The following RBFOX1 variants were observed in gnomAD, a reference collection of about 807,000 sequenced individuals.
The protein encoded by RBFOX1 is RNA binding protein fox-1 homolog 1.
Under a neutral mutation model 57.7 loss-of-function variants are expected in RBFOX1, and 8 were observed. The observed-to-expected ratio is 0.14, with a 90% CI of 0.08 to 0.25. The LOEUF is 0.25. Among genes scored for constraint, RBFOX1 ranks in the 10% least tolerant of loss-of-function variants. The probability of loss-of-function intolerance (pLI) is 1.00; values close to 1 mark genes in which losing one functional copy is unlikely to be tolerated. For synonymous variants in RBFOX1, 326 were observed against 222.4 expected (o/e 1.47, Z -4.15); for missense variants, 611 against 548.5 (o/e 1.11, Z -1.14).
chr16:5,442,747 C>T (rs140635851), intron 1 of RBFOX1, among the ~76,000 whole-genome samples: 19 of 152,280 alleles, frequency 1.2e-4, no homozygotes, highest in African/African-American at 3.4e-4. Context: ...TCTGTCTCAC[C>T]GTCCTCCAAA....
At chr16:7,563,753 C>T (rs1441725553) in intron 5 of RBFOX1, among the ~76,000 whole-genome samples, 1 of 152,140 alleles carries the variant, frequency 6.6e-6, no homozygotes, top group Non-Finnish European at 1.5e-5. Context: ...CAGGGCTGAG[C>T]CACCGCACCC....
intron 1 of RBFOX1, among the ~76,000 whole-genome samples, chr16:5,329,016 T>C (rs1009161559): frequency 1.3e-5 from 2 of 152,232 alleles, no homozygotes; most frequent in Non-Finnish European, 2.9e-5. Context: ...TATTATTTAA[T>C]AACAACAGCT....
chr16:6,925,520 C>G (rs565595297), intron 3 of RBFOX1, among the ~76,000 whole-genome samples: 3 of 150,248 alleles, frequency 2.0e-5, no homozygotes, highest in African/African-American at 7.4e-5. Flanking sequence ...TGTAAATTTC[C>G]GGGGGGGCAG....
At chr16:6,472,922 G>A (rs905969327) in intron 2 of RBFOX1, among the ~76,000 whole-genome samples, 1 of 152,042 alleles carries the variant, frequency 6.6e-6, no homozygotes, top group East Asian at 1.9e-4. Flanking sequence ...ACTGTGCCCG[G>A]CCCAGTTTCT....
chr16:5,531,148 A>G (rs868445173), intron 2 of RBFOX1, among the ~76,000 whole-genome samples: 2 of 150,462 alleles, frequency 1.3e-5, no homozygotes, highest in African/African-American at 4.9e-5. Context: ...AAATAAATAA[A>G]ATAATCACAG....
chr16:5,919,750 C>T (rs568479232), intron 4 of RBFOX1, among the ~76,000 whole-genome samples: 132 of 152,304 alleles, frequency 8.7e-4, no homozygotes, highest in Non-Finnish European at 1.3e-3. Context: ...AAAGGAAACC[C>T]CATACCCGTT....
At chr16:7,508,738 C>T (rs192414772) in intron 4 of RBFOX1, among the ~76,000 whole-genome samples, 1 of 152,216 alleles carries the variant, frequency 6.6e-6, no homozygotes, top group East Asian at 1.9e-4. Context: ...GCAAAACAGA[C>T]AAGCAGAAAG....
At chr16:6,876,187 A>T (rs551207173) in intron 3 of RBFOX1, among the ~76,000 whole-genome samples, 46 of 151,972 alleles carry the variant, frequency 3.0e-4, no homozygotes, top group Non-Finnish European at 1.0e-4. Context: ...ACCCTCTCAA[A>T]AAAAACAAAG....
At chr16:6,356,812 C>T (rs1050479137) in intron 2 of RBFOX1, among the ~76,000 whole-genome samples, 1 of 152,096 alleles carries the variant, frequency 6.6e-6, no homozygotes, top group Non-Finnish European at 1.5e-5. Flanking sequence ...ACAAATGTCC[C>T]CTTCCAATCA....
rs111769793 is a variant in RBFOX1, at chr16:7,650,152, G to C, written c.758-3663G>C. On this transcript the variant is annotated intron_variant, in intron 11 of 15. Transcript: ENST00000550418. The stretch of plus-strand genomic sequence containing the variant: ...ATGTAAGAAAGAAAGGAATGTGATC[G>C]ATGAGCATTTTTCTAACTAGAGATT... 3.7e-3 allele frequency among the ~76,000 whole-genome samples: 569 copies of C among 152,166 alleles called. 3 individuals are homozygous for C. The highest frequency in any genetic ancestry group is 0.013 in the African/African-American group (543 of 41,510).
At chr16:7,183,037 C>T (rs533428535) in intron 4 of RBFOX1, among the ~76,000 whole-genome samples, 2 of 152,160 alleles carry the variant, frequency 1.3e-5, no homozygotes, top group Non-Finnish European at 2.9e-5. Flanking sequence ...GGGCACACAA[C>T]AATATTTTTG....
In RBFOX1 at chr16:6,321,999, A is replaced by T. The variant is rs570795204; in HGVS notation, c.-64+4942A>T. On this transcript the variant is annotated intron_variant, in intron 2 of 15. Coordinates refer to ENST00000550418, the MANE Select transcript of RBFOX1 (RefSeq NM_018723.4). ...AACACTTGAAATCAGTCCACGTCTC[A>T]CTCATTGACCCATGGGCACCACTCT... Among the ~76,000 whole-genome samples, 5 of 152,170 alleles carry T rather than the reference A, an allele frequency of 3.3e-5. No individual in the cohort carries two copies. The South Asian group carries it at 1.0e-3, about 32-fold the overall frequency.
At chr16:6,149,324 C>T (rs2096781516) in intron 1 of RBFOX1, among the ~76,000 whole-genome samples, 1 of 152,160 alleles carries the variant, frequency 6.6e-6, no homozygotes, top group Non-Finnish European at 1.5e-5. Context: ...GATGTGTGTC[C>T]TTGGGCAAGT....
At position 5,352,226 on chromosome 16, in the gene RBFOX1, C is replaced by T. The variant is rs573075335; in HGVS notation, c.219+112121C>T. 1.1e-4 allele frequency among the ~76,000 whole-genome samples: 17 copies of T among 152,286 alleles called. No individual in the cohort carries two copies. In the East Asian group the frequency reaches 1.9e-3, roughly 17 times the overall value. Reference sequence around the variant, plus strand: ...TCCTCCGAACGCTGTGTGCCTCCTGCGCTTGTCCACCCTGGGAGTGGCTGG... The same window carrying T: ...TCCTCCGAACGCTGTGTGCCTCCTGTGCTTGTCCACCCTGGGAGTGGCTGG... On this transcript the variant is annotated intron_variant, in intron 1 of 2. Coordinates refer to the RBFOX1 transcript ENST00000585867.
intron 3 of RBFOX1, among the ~76,000 whole-genome samples, chr16:6,845,066 C>T (rs898622838): frequency 1.3e-5 from 2 of 152,090 alleles, no homozygotes; most frequent in Admixed American, 6.6e-5. Context: ...GTTCCTTGTA[C>T]ACTCTGGATA....
At chr16:5,336,791 C>G (rs2064907017) in intron 1 of RBFOX1, among the ~76,000 whole-genome samples, 1 of 152,186 alleles carries the variant, frequency 6.6e-6, no homozygotes, top group Admixed American at 6.5e-5. Context: ...GCTAGCTTTG[C>G]CTTCAGCTCA....
intron 4 of RBFOX1, among the ~76,000 whole-genome samples, chr16:5,934,433 A>G (rs1464919172): frequency 6.6e-6 from 1 of 152,210 alleles, no homozygotes; most frequent in African/African-American, 2.4e-5. Flanking sequence ...CTTTCTTTTA[A>G]AAACTGAGTC....
chr16:7,575,742 C>T (rs1235776226), intron 5 of RBFOX1, among the ~76,000 whole-genome samples: 1 of 152,086 alleles, frequency 6.6e-6, no homozygotes, highest in East Asian at 1.9e-4. Flanking sequence ...AGACATAAAA[C>T]GCTGGCTGGT....
chr16:7,267,834 C>T (rs574187391), intron 4 of RBFOX1, among the ~76,000 whole-genome samples: 191 of 152,262 alleles, frequency 1.3e-3, no homozygotes, highest in African/African-American at 4.5e-3. Flanking sequence ...CCAGCCGGGG[C>T]AACAGAGTGA....
Sources: gnomAD v4.1 joint callset for allele counts (sites outside exome capture counted in the v4.1 genomes callset) on GRCh38, gnomAD v4.1.1 for gene constraint, MANE v1.5 for transcripts, NCBI Gene and HGNC (gene_info 2026-07-23, HGNC 2026-07-21) for gene names.